PIGL: variants seen among roughly 807,000 people sequenced by gnomAD.
PIGL encodes the protein phosphatidylinositol glycan anchor biosynthesis class L, also known as N-acetylglucosaminyl-phosphatidylinositol de-N-acetylase.
PIGL carries 22 observed loss-of-function variants against 31.1 expected under a neutral mutation model. The ratio of observed to expected loss-of-function variants is 0.71; its 90% CI spans 0.51 to 1.01. The LOEUF is 1.01. Ranked by LOEUF, PIGL falls within the 50% of genes least tolerant of loss-of-function variation. PIGL has a pLI of 0.00. For missense variants in PIGL, 302 were observed against 315.9 expected (o/e 0.96, Z 0.33); for synonymous variants, 131 against 117.4 (o/e 1.12, Z -0.75).
chr17:16,286,892 C>G (rs977981520), intron 2 of PIGL, among the ~76,000 whole-genome samples: 1 of 152,202 alleles, frequency 6.6e-6, no homozygotes, highest in South Asian at 2.1e-4. Context: ...CCCATCTCTC[C>G]TTCCCGCAGC....
intron 1 of PIGL, among the ~76,000 whole-genome samples, chr17:16,218,573 CTT>C (rs1365947100): frequency 6.6e-6 from 1 of 150,960 alleles, no homozygotes; most frequent in Non-Finnish European, 1.5e-5. Context: ...CAGAGAACAT[CTT>C]TATGTATTTT....
At chr17:16,307,174 A>C (rs923072242) in intron 3 of PIGL, among the ~76,000 whole-genome samples, 2 of 152,238 alleles carry the variant, frequency 1.3e-5, no homozygotes, top group African/African-American at 2.4e-5. Context: ...CTGACTCTTC[A>C]TGAGGTTCCC....
chr17:16,252,567 T>C (rs2092777270), intron 2 of PIGL, among the ~76,000 whole-genome samples: 1 of 149,568 alleles, frequency 6.7e-6, no homozygotes, highest in Non-Finnish European at 1.5e-5. Flanking sequence ...AAAAGTTATA[T>C]ACATATAATT....
chr17:16,303,771 G>A (rs571331510), intron 3 of PIGL, among the ~76,000 whole-genome samples: 1 of 139,760 alleles, frequency 7.2e-6, no homozygotes, highest in East Asian at 1.9e-4. Flanking sequence ...CTGGAGTGCA[G>A]TGGCGTGATC....
At chr17:16,311,480 T>TTTTTTTTTTTTTTTTTTTTTTTTC in intron 3 of PIGL, among the ~76,000 whole-genome samples, 1 of 110,306 alleles carries the variant, frequency 9.1e-6, no homozygotes, top group Non-Finnish European at 1.8e-5. Flanking sequence ...TTTTTTTTTT[T>TTTTTTTTTTTTTTTTTTTTTTTTC]TGATCATTCT....
chr17:16,323,732 C>G (rs2093115776), intron 6 of PIGL, among the ~76,000 whole-genome samples: 1 of 150,580 alleles, frequency 6.6e-6, no homozygotes, highest in Admixed American at 6.7e-5. Flanking sequence ...CCTGCCTCAG[C>G]CTCCTGCGTA....
chr17:16,269,004 T>G (rs1447554394), intron 2 of PIGL, among the ~76,000 whole-genome samples: 1 of 151,552 alleles, frequency 6.6e-6, no homozygotes, highest in Non-Finnish European at 1.5e-5. Flanking sequence ...CCTAATGATC[T>G]GCCCGCCTCA....
chr17:16,316,271 T>C (rs2093076661), intron 4 of PIGL, among the ~76,000 whole-genome samples: 1 of 152,140 alleles, frequency 6.6e-6, no homozygotes, highest in African/African-American at 2.4e-5. Context: ...AAGGTAGGCG[T>C]AGGGAAGCTC....
At chr17:16,255,662 A>C (rs1283626806) in intron 2 of PIGL, among the ~76,000 whole-genome samples, 1 of 150,282 alleles carries the variant, frequency 6.7e-6, no homozygotes. Context: ...ACAAAAAAAC[A>C]AAAAAGACCA....
At chr17:16,237,189 C>T (rs1872279791) in intron 2 of PIGL, among the ~76,000 whole-genome samples, 1 of 145,270 alleles carries the variant, frequency 6.9e-6, no homozygotes, top group South Asian at 2.2e-4. Flanking sequence ...CTCACTGCAA[C>T]GTCCGCCACC....
intron 2 of PIGL, among the ~76,000 whole-genome samples, chr17:16,273,113 G>A (rs2092879309): frequency 6.6e-6 from 1 of 152,098 alleles, no homozygotes; most frequent in Admixed American, 6.6e-5. Context: ...GTACAAAATG[G>A]CAAGTCAAGT....
At chr17:16,247,267 T>C (rs2092752697) in intron 2 of PIGL, among the ~76,000 whole-genome samples, 4 of 152,198 alleles carry the variant, frequency 2.6e-5, no homozygotes, top group African/African-American at 9.6e-5. Context: ...CAGTTCATAG[T>C]ATTCCATCCC....
rs1203569619 is a variant in PIGL, at chr17:16,317,801, G to A, written c.553G>A (p.Val185Met). 3 of 1,614,114 alleles carry A rather than the reference G, an allele frequency of 1.9e-6. No homozygotes were observed. Among genetic ancestry groups the A allele is most frequent in the East Asian group, 4.5e-5 (2 of 44,882 alleles). The change falls in exon 6 of 7, where the codon GTG becomes ATG. Residue 185 changes from valine to methionine, a missense_variant. Physicochemically the swap from Val to Met is conservative, Grantham distance 21. Coordinates refer to ENST00000225609, the MANE Select transcript of PIGL (RefSeq NM_004278.4). The part of the protein sequence containing the change: ...KGCSVLTLQS[V>M]NVLRKYISLL... The stretch of plus-strand genomic sequence containing the variant: ...GTGCTCTGTGCTCACGCTTCAGTCT[G>A]TGAATGTGCTGCGCAAGTACATCTC...
chr17:16,217,522 C>A (rs1452273296), intron 1 of PIGL, 61 bp downstream of exon 1: 1 of 1,297,526 alleles, frequency 7.7e-7, no homozygotes, highest in African/African-American at 1.5e-5. Context: ...AAGTGCTAAC[C>A]GATCTCAGTC....
At chr17:16,258,141 G>GAGAGAGAGAGAGAGAA (rs2092804394) in intron 2 of PIGL, among the ~76,000 whole-genome samples, 1 of 51,642 alleles carries the variant, frequency 1.9e-5, no homozygotes, top group East Asian at 2.5e-4. Flanking sequence ...GAGAGAGAAA[G>GAGAGAGAGAGAGAGAA]AGAGAGAGAG....
At chr17:16,231,802 CATTA>C (rs1255421989) in intron 1 of PIGL, among the ~76,000 whole-genome samples, 1 of 152,090 alleles carries the variant, frequency 6.6e-6, no homozygotes, top group Non-Finnish European at 1.5e-5. Flanking sequence ...CTAGAAATTA[CATTA>C]ATTTTATTAT....
intron 2 of PIGL, among the ~76,000 whole-genome samples, chr17:16,263,188 T>A (rs1367048565): frequency 6.6e-6 from 1 of 152,080 alleles, no homozygotes; most frequent in Non-Finnish European, 1.5e-5. Context: ...ATTGTACAGT[T>A]TCTTTTATTT....
chr17:16,298,042 C>T (rs1227513200), intron 2 of PIGL, among the ~76,000 whole-genome samples: 1 of 152,072 alleles, frequency 6.6e-6, no homozygotes, highest in African/African-American at 2.4e-5. Context: ...GGTTGCACGC[C>T]CCTATGAGGA....
intron 2 of PIGL, among the ~76,000 whole-genome samples, chr17:16,261,749 G>C (rs780134241): frequency 4.0e-5 from 6 of 151,700 alleles, no homozygotes; most frequent in African/African-American, 7.3e-5. Context: ...CTACAAGTGC[G>C]CACCACCATG....
Sources: gnomAD v4.1 joint callset for allele counts (sites outside exome capture counted in the v4.1 genomes callset) on GRCh38, gnomAD v4.1.1 for gene constraint, MANE v1.5 for transcripts, NCBI Gene and HGNC (gene_info 2026-07-23, HGNC 2026-07-21) for gene names.